The following SIPA1L2 variants were observed in gnomAD, a reference collection of about 807,000 sequenced individuals.
The protein encoded by SIPA1L2 is signal-induced proliferation-associated 1-like protein 2.
In SIPA1L2, 56 loss-of-function variants were observed where a neutral mutation model predicts 163.9. The ratio of observed to expected loss-of-function variants is 0.34; its 90% CI spans 0.28 to 0.43. SIPA1L2 has a LOEUF of 0.43. Among genes scored for constraint, SIPA1L2 ranks in the 20% least tolerant of loss-of-function variants. The probability of loss-of-function intolerance (pLI) is 1.00; values close to 1 mark genes in which losing one functional copy is unlikely to be tolerated. For synonymous variants in SIPA1L2, 877 were observed against 865.7 expected (o/e 1.01, Z -0.23); for missense variants, 1,974 against 2,193.5 (o/e 0.90, Z 2.00).
chr1:232,603,411 AG>A (rs1432296430), intron 1 of SIPA1L2, among the ~76,000 whole-genome samples: 1 of 147,874 alleles, frequency 6.8e-6, no homozygotes, highest in African/African-American at 2.5e-5. Flanking sequence ...AAAGGCATTG[AG>A]AGGTGGAGAG....
intron 2 of SIPA1L2, among the ~76,000 whole-genome samples, chr1:232,563,297 TC>T (rs1414578925): frequency 6.6e-6 from 1 of 152,210 alleles, no homozygotes; most frequent in African/African-American, 2.4e-5. Context: ...TGTGGTCACC[TC>T]TTCACCTGGA....
chr1:232,448,047 A>T (rs1663317935), intron 10 of SIPA1L2, among the ~76,000 whole-genome samples: 1 of 152,184 alleles, frequency 6.6e-6, no homozygotes, highest in South Asian at 2.1e-4. Flanking sequence ...TAGTTACCAT[A>T]GTTGCTCTCT....
At chr1:232,491,930 G>A (rs550679163) in intron 4 of SIPA1L2, among the ~76,000 whole-genome samples, 4 of 152,164 alleles carry the variant, frequency 2.6e-5, no homozygotes, top group South Asian at 2.1e-4. Flanking sequence ...TTAAACACTC[G>A]AAATCACTAA....
At position 232,513,864 on chromosome 1, in the gene SIPA1L2, A is replaced by G; in HGVS notation, c.1476T>C (p.Tyr492=). 6.4e-7 allele frequency: 1 copy of G among 1,566,556 alleles called. No homozygotes were observed. Among genetic ancestry groups the G allele is most frequent in the Non-Finnish European group, 8.6e-7 (1 of 1,159,946 alleles). The change falls in exon 3 of 23, where the codon TAT becomes TAC. Residue 492 remains tyrosine (Y), a synonymous_variant. Transcript: ENST00000674635. ...CCCATGGCTCTTCCTTACCTTTCCC[A>G]TAGAAGAATTTGCGGTAATAATAGG... ...LGAYYYRKFF[Y]GKEHQNYFGI...
intron 1 of SIPA1L2, among the ~76,000 whole-genome samples, chr1:232,609,866 A>C (rs981263824): frequency 4.6e-5 from 7 of 151,970 alleles, no homozygotes; most frequent in Non-Finnish European, 1.0e-4. Flanking sequence ...AAAGAAAAAA[A>C]AGGAAGCAAA....
At chr1:232,535,971 G>A (rs1657282142) in intron 2 of SIPA1L2, among the ~76,000 whole-genome samples, 1 of 152,218 alleles carries the variant, frequency 6.6e-6, no homozygotes, top group Admixed American at 6.5e-5. Flanking sequence ...GATATGTTCT[G>A]TAGCTAAAAC....
intron 17 of SIPA1L2, 26 bp from the exon 18 acceptor site, chr1:232,425,834 G>A (rs746310922): frequency 8.8e-6 from 14 of 1,599,614 alleles, no homozygotes; most frequent in Middle Eastern, 1.7e-4. Context: ...GGTGCGAGGA[G>A]GGAACAGACA....
intron 2 of SIPA1L2, among the ~76,000 whole-genome samples, chr1:232,541,298 T>G (rs549257528): frequency 2.0e-5 from 3 of 147,104 alleles, no homozygotes; most frequent in East Asian, 4.1e-4. Flanking sequence ...TAACATAACA[T>G]AACAGAATAT....
At position 232,415,698 on chromosome 1, in the gene SIPA1L2, T is replaced by C. The variant is rs115599900; in HGVS notation, c.4631-73A>G. On this transcript the variant is annotated intron_variant, in intron 18 of 22. Coordinates refer to ENST00000674635, the MANE Select transcript of SIPA1L2 (RefSeq NM_020808.5). ...CACCAGCCCAGAGTGAGTCAGAACATGGGCACCACTGCCCCTCCCAGAGTC... is the reference window on the plus strand; with the variant it reads ...CACCAGCCCAGAGTGAGTCAGAACACGGGCACCACTGCCCCTCCCAGAGTC... 1.1e-3 allele frequency: 1,760 copies of C among 1,586,138 alleles called. 20 individuals carry two copies. In the African/African-American group the frequency reaches 0.021, roughly 19 times the overall value.
At chr1:232,403,605 G>A (rs1395690299) in intron 20 of SIPA1L2, 34 bp from the exon 21 acceptor site, 1 of 1,590,228 alleles carries the variant, frequency 6.3e-7, no homozygotes, top group Non-Finnish European at 8.6e-7. Context: ...AGAAAGAAGG[G>A]TTAGTAATCA....
chr1:232,420,378 T>C (rs12562849), intron 18 of SIPA1L2, among the ~76,000 whole-genome samples: 8,478 of 152,204 alleles, frequency 0.056, 356 homozygotes, highest in East Asian at 0.17. Flanking sequence ...GCAAGAGCAA[T>C]TGATCACCTG....
At chr1:232,591,464 T>C (rs1421297436) in intron 1 of SIPA1L2, among the ~76,000 whole-genome samples, 7 of 152,234 alleles carry the variant, frequency 4.6e-5, no homozygotes, top group Non-Finnish European at 4.4e-5. Context: ...AGTGGAGCCC[T>C]TGGGCCAGGA....
chr1:232,595,884 G>A (rs1292259333), intron 1 of SIPA1L2, among the ~76,000 whole-genome samples: 2 of 152,092 alleles, frequency 1.3e-5, no homozygotes, highest in East Asian at 1.9e-4. Flanking sequence ...TGCTAGTACC[G>A]AGGATCGAAT....
At chr1:232,568,222 T>C (rs1371397164) in intron 2 of SIPA1L2, among the ~76,000 whole-genome samples, 4 of 152,190 alleles carry the variant, frequency 2.6e-5, no homozygotes, top group Non-Finnish European at 5.9e-5. Context: ...GAAATCCACC[T>C]GGAGCTTGAG....
intron 2 of SIPA1L2, among the ~76,000 whole-genome samples, chr1:232,572,791 A>T (rs113693287): frequency 0.11 from 10,938 of 101,698 alleles, 1,274 homozygotes; most frequent in African/African-American, 0.29. Context: ...TTATTTATTT[A>T]TTTTTTCCTT....
chr1:232,517,941 G>A (rs1667286240), intron 2 of SIPA1L2, among the ~76,000 whole-genome samples: 1 of 151,818 alleles, frequency 6.6e-6, no homozygotes, highest in Non-Finnish European at 1.5e-5. Flanking sequence ...CGGCTACTTG[G>A]GAGGCTGAAG....
chr1:232,471,447 T>C lies in SIPA1L2; in HGVS notation c.2167A>G (p.Ser723Gly), dbSNP rs781571048. The C allele has an allele frequency of 1.9e-6, 3 of 1,614,012 alleles. No individual in the cohort carries two copies. In the African/African-American group the frequency reaches 4.0e-5, roughly 22 times the overall value. Residue 723 changes from serine (S) to glycine (G), a missense_variant, in exon 8 of 23, where the codon AGC becomes GGC. Physicochemically the swap from Ser to Gly is moderately conservative, Grantham distance 56. This residue lies in a region of SIPA1L2 where 288 missense variants were observed against 418.9 expected (regional missense o/e 0.69). Coordinates refer to ENST00000674635, the MANE Select transcript of SIPA1L2 (RefSeq NM_020808.5). ...EPGALPFTPK[S>G]IRSHFQHVFV... ...ACATGCTGAAAGTGAGACCGGATGC[T>C]TTTTGGAGTAAAAGGAAGTGCCCCA...
At chr1:232,488,180 T>C (rs773001774) in intron 5 of SIPA1L2, among the ~76,000 whole-genome samples, 2 of 152,178 alleles carry the variant, frequency 1.3e-5, no homozygotes, top group Non-Finnish European at 2.9e-5. Context: ...CTTGAACTCT[T>C]GACCTCAAAT....
intron 1 of SIPA1L2, among the ~76,000 whole-genome samples, chr1:232,615,547 A>G (rs542241175): frequency 1.3e-5 from 2 of 151,896 alleles, no homozygotes; most frequent in African/African-American, 4.8e-5. Flanking sequence ...CTCCCAAGAA[A>G]CCCTCTGGCT....
Sources: allele counts gnomAD v4.1 joint callset (sites outside exome capture counted in the v4.1 genomes callset), GRCh38; gene constraint gnomAD v4.1.1; regional missense constraint gnomAD v4.1.1; transcripts MANE v1.5; gene names NCBI Gene and HGNC (gene_info 2026-07-23, HGNC 2026-07-21).